The following DNAAF9 variants were observed in gnomAD, a reference collection of about 807,000 sequenced individuals.
DNAAF9 encodes shulin.
Under a neutral mutation model 167.0 loss-of-function variants are expected in DNAAF9, and 90 were observed. The ratio of observed to expected loss-of-function variants is 0.54; its 90% CI spans 0.45 to 0.64. The LOEUF (loss-of-function observed/expected upper bound fraction) is 0.64. Ranked by LOEUF, DNAAF9 falls within the 30% of genes least tolerant of loss-of-function variation. The probability of loss-of-function intolerance (pLI) is 0.00; values close to 1 mark genes in which losing one functional copy is unlikely to be tolerated. For synonymous variants in DNAAF9, 491 were observed against 508.8 expected (o/e 0.96, Z 0.47); for missense variants, 1,315 against 1,442.2 (o/e 0.91, Z 1.43).
At position 3,400,894 on chromosome 20, in the gene DNAAF9, T is replaced by C. The variant is rs186097530; in HGVS notation, c.83+6581A>G. Among the ~76,000 whole-genome samples, 143 of 152,338 alleles carry C rather than the reference T, an allele frequency of 9.4e-4. 1 individual carries two copies. The highest frequency in any genetic ancestry group is 1.5e-3 in the Non-Finnish European group (102 of 68,024). On this transcript the variant is annotated intron_variant, in intron 1 of 36. Transcript: ENST00000252032. ...TATCCCTGGACCAGAAATAAAGCCA[T>C]ACAAGTCTAAGTAAGCATACCCTTT...
intron 36 of DNAAF9, among the ~76,000 whole-genome samples, chr20:3,252,906 G>C (rs1346901893): frequency 6.6e-6 from 1 of 152,232 alleles, no homozygotes; most frequent in East Asian, 1.9e-4. Context: ...CTAGAACTGA[G>C]CCCTTCAGCT....
chr20:3,330,729 A>G, intron 11 of DNAAF9, 47 bp from the exon 12 acceptor site: 1 of 1,210,080 alleles, frequency 8.3e-7, no homozygotes, highest in Non-Finnish European at 1.2e-6. Flanking sequence ...CAGGATATGC[A>G]AACACTTAAC....
At chr20:3,327,628 C>T (rs575992942) in intron 12 of DNAAF9, among the ~76,000 whole-genome samples, 75 of 152,188 alleles carry the variant, frequency 4.9e-4, no homozygotes, top group Non-Finnish European at 8.1e-4. Flanking sequence ...GGAAAAAACA[C>T]AGAAATGATT....
intron 7 of DNAAF9, among the ~76,000 whole-genome samples, chr20:3,352,245 G>A (rs1238277651): frequency 6.6e-6 from 1 of 152,120 alleles, no homozygotes; most frequent in Non-Finnish European, 1.5e-5. Flanking sequence ...AGGGTCCTGG[G>A]TTAGAATGCT....
chr20:3,343,784 C>A lies in DNAAF9; in HGVS notation c.790-53G>T. The A allele has an allele frequency of 2.2e-6, 3 of 1,339,804 alleles. No individual in the cohort carries two copies. In the South Asian group the frequency reaches 3.5e-5, roughly 16 times the overall value. The allele number at this position is 1,339,804 out of a possible 1,614,324, so 83.0% of individuals were successfully genotyped here. A position where few individuals can be genotyped will look rare whatever the true frequency, so the allele number is the denominator to read the frequency against. On this transcript the variant is annotated intron_variant, in intron 8 of 36. Coordinates refer to ENST00000252032, the MANE Select transcript of DNAAF9 (RefSeq NM_001009984.3). ...TAAGAACACAATTTGGTAAAACAGT[C>A]ATAAAACCCCTCACATATGTATGTA... is the stretch of plus-strand genomic sequence containing the variant.
At chr20:3,372,530 A>G (rs1470945203) in intron 6 of DNAAF9, among the ~76,000 whole-genome samples, 1 of 152,186 alleles carries the variant, frequency 6.6e-6, no homozygotes, top group Non-Finnish European at 1.5e-5. Flanking sequence ...GTTTTTTGGA[A>G]GGAGATAACG....
At chr20:3,362,301 T>C (rs1276125008) in intron 6 of DNAAF9, 2 of 1,039,802 alleles carry the variant, frequency 1.9e-6, no homozygotes, top group Non-Finnish European at 2.9e-6. Flanking sequence ...GGACTTTTAC[T>C]ACTGAGCCTG....
intron 10 of DNAAF9, among the ~76,000 whole-genome samples, chr20:3,338,648 ATTT>A (rs140772082): frequency 8.2e-6 from 1 of 121,794 alleles, no homozygotes; most frequent in Non-Finnish European, 1.7e-5. Context: ...TTCTTGGATG[ATTT>A]TTTTTTTTTT....
At chr20:3,397,916 A>G (rs1035357293) in intron 1 of DNAAF9, among the ~76,000 whole-genome samples, 1 of 152,172 alleles carries the variant, frequency 6.6e-6, no homozygotes, top group Non-Finnish European at 1.5e-5. Flanking sequence ...TTCCTAATCA[A>G]GTACCAGGAT....
chr20:3,328,914 G>A (rs896821465), intron 12 of DNAAF9, among the ~76,000 whole-genome samples: 1 of 146,840 alleles, frequency 6.8e-6, no homozygotes, highest in Non-Finnish European at 1.5e-5. Context: ...CTGTCACCCA[G>A]GCTAGAGTGC....
At chr20:3,259,418 C>T in intron 33 of DNAAF9, 62 bp downstream of exon 33, 1 of 1,059,482 alleles carries the variant, frequency 9.4e-7, no homozygotes, top group Non-Finnish European at 1.5e-6. Context: ...AGGCTCTGAA[C>T]TCACATCATG....
At chr20:3,282,405 C>A (rs2068778778) in intron 27 of DNAAF9, among the ~76,000 whole-genome samples, 1 of 152,144 alleles carries the variant, frequency 6.6e-6, no homozygotes, top group Admixed American at 6.5e-5. Context: ...CCCCCAAGCT[C>A]CCACTGGGTC....
chr20:3,361,904 A>C (rs1348816626), intron 6 of DNAAF9: 3 of 1,498,556 alleles, frequency 2.0e-6, no homozygotes, highest in Admixed American at 1.7e-5. Flanking sequence ...ACTGTCCTTC[A>C]GGTGGCTGAG....
chr20:3,338,667 T>TC (rs1292798094), intron 10 of DNAAF9, among the ~76,000 whole-genome samples: 2 of 150,672 alleles, frequency 1.3e-5, no homozygotes, highest in South Asian at 2.1e-4. Context: ...TTTTTTTTTT[T>TC]CTGAGACGGA....
chr20:3,307,477 T>C (rs2069320205), intron 20 of DNAAF9, among the ~76,000 whole-genome samples: 2 of 152,048 alleles, frequency 1.3e-5, no homozygotes, highest in South Asian at 4.2e-4. Flanking sequence ...TTCTGGTATC[T>C]GCTCTGGACT....
At chr20:3,301,837 C>T (rs2069195010) in intron 21 of DNAAF9, among the ~76,000 whole-genome samples, 1 of 152,022 alleles carries the variant, frequency 6.6e-6, no homozygotes, top group Non-Finnish European at 1.5e-5. Flanking sequence ...AATAAAGATA[C>T]AACTCTTCGC....
chr20:3,294,292 C>A, intron 24 of DNAAF9, 36 bp from the exon 25 acceptor site: 1 of 1,357,686 alleles, frequency 7.4e-7, no homozygotes, highest in Non-Finnish European at 1.1e-6. Flanking sequence ...ATGTTACCAT[C>A]CTAGCCTGTC....
At position 3,358,227 on chromosome 20, in the gene DNAAF9, T is replaced by C. The variant is rs1425848527; in HGVS notation, c.690+1289A>G. Among the ~76,000 whole-genome samples the C allele has an allele frequency of 4.6e-5, 7 of 152,072 alleles. No individual in the cohort carries two copies. In the East Asian group the frequency reaches 1.3e-3, roughly 29 times the overall value. On this transcript the variant is annotated intron_variant, in intron 7 of 36. Coordinates refer to ENST00000252032, the MANE Select transcript of DNAAF9 (RefSeq NM_001009984.3). ...GGCTTGAGGGGAAGTCTATTAACTT[T>C]ATTAGAATATGTCTCAGTGTTGACC...
At chr20:3,395,957 T>C (rs1489943951) in intron 1 of DNAAF9, among the ~76,000 whole-genome samples, 3 of 152,160 alleles carry the variant, frequency 2.0e-5, no homozygotes, top group East Asian at 1.9e-4. Flanking sequence ...AATTGAATCA[T>C]GGGGATGGGT....
Sources: gnomAD v4.1 joint callset for allele counts (sites outside exome capture counted in the v4.1 genomes callset) on GRCh38, gnomAD v4.1.1 for gene constraint, MANE v1.5 for transcripts, NCBI Gene and HGNC (gene_info 2026-07-23, HGNC 2026-07-21) for gene names.